Variants in CSMD3 observed in about 807,000 individuals in gnomAD.
The protein encoded by CSMD3 is CUB and Sushi multiple domains 3, also known as CUB and sushi domain-containing protein 3.
In CSMD3, 177 loss-of-function variants were observed where a neutral mutation model predicts 435.2. That is an observed-to-expected ratio of 0.41 (90% CI 0.36 to 0.46). The LOEUF is 0.46. Among genes scored for constraint, CSMD3 ranks in the 20% least tolerant of loss-of-function variants. CSMD3 has a pLI of 0.34. For missense variants in CSMD3, 4,265 were observed against 4,504.6 expected, an observed-to-expected ratio of 0.95 and a Z score of 1.52; for synonymous variants, 1,656 against 1,520.5, an observed-to-expected ratio of 1.09 and a Z score of -2.07.
chr8:112,257,230 T>C (rs1815895619), intron 61 of CSMD3, among the ~76,000 whole-genome samples: 1 of 152,132 alleles, frequency 6.6e-6, no homozygotes, highest in South Asian at 2.1e-4. Flanking sequence ...ACCACTCCCA[T>C]TCAACCAAAT....
chr8:112,635,478 A>C (rs1410767421), intron 22 of CSMD3, among the ~76,000 whole-genome samples: 1 of 152,054 alleles, frequency 6.6e-6, no homozygotes, highest in Non-Finnish European at 1.5e-5. Flanking sequence ...CAAATGTGGC[A>C]GTAAGCAGTA....
rs57393967 is a variant in CSMD3, at chr8:113,016,461, T to C, written c.1030+2606A>G. On this transcript the variant is annotated intron_variant, in intron 6 of 70. Transcript: ENST00000297405. ...GGAACACACTATAAAAAATAGCTAA[T>C]GGCATTCAATGAACCCACTAGTAGT... Among the ~76,000 whole-genome samples, 95 of 151,924 alleles carry C rather than the reference T, an allele frequency of 6.3e-4. 1 individual carries two copies. The highest frequency in any genetic ancestry group is 2.2e-3 in the African/African-American group (92 of 41,528).
rs556328314 is a variant in CSMD3, at chr8:112,456,171, T to C, written c.5395+16420A>G. ...AATATTATAGAAGAAAAATGAGCAG[T>C]AGAGAACTGAAAGAAAATATCTAAT... On this transcript the variant is annotated intron_variant, in intron 32 of 70. Coordinates refer to ENST00000297405, the MANE Select transcript of CSMD3 (RefSeq NM_198123.2). 2.0e-5 allele frequency among the ~76,000 whole-genome samples: 3 copies of C among 152,218 alleles called. No individual in the cohort carries two copies. The East Asian group carries it at 5.8e-4, about 29-fold the overall frequency.
Position 112,645,116 on chromosome 8 carries a change from A to T in CSMD3, c.3303T>A (p.His1101Gln). 6.6e-7 allele frequency: 1 copy of T among 1,509,200 alleles called. No homozygotes were observed. The highest frequency in any genetic ancestry group is 2.3e-5 in the East Asian group (1 of 44,356). 93.5% of individuals were successfully genotyped at this position (1,509,200 alleles called of 1,614,324 possible). ...TTTCATGAGGCAAATTACCTTTTCC[A>T]TGGGTTACATCAACAGTCCATGTAC... is the stretch of plus-strand genomic sequence containing the variant. Reference protein sequence around the residue: ...LNCTWTVDVTHGKGVQFNFHT... With the variant: ...LNCTWTVDVTQGKGVQFNFHT... The change falls in exon 20 of 71, where the codon CAT (histidine) becomes CAA (glutamine). Residue 1101 changes from histidine to glutamine, a missense_variant. This residue lies in a region of CSMD3 where 3,255 missense variants were observed against 3,380.2 expected (regional missense o/e 0.96). Transcript: ENST00000297405.
chr8:113,131,948 C>A (rs1322404044), intron 4 of CSMD3, among the ~76,000 whole-genome samples: 1 of 152,172 alleles, frequency 6.6e-6, no homozygotes, highest in Non-Finnish European at 1.5e-5. Context: ...TCCCACCTTG[C>A]CTCAGCATGC....
intron 3 of CSMD3, among the ~76,000 whole-genome samples, chr8:113,248,787 T>C (rs775049013): frequency 4.0e-5 from 6 of 151,856 alleles, no homozygotes; most frequent in Non-Finnish European, 8.8e-5. Flanking sequence ...GGAAACAAAT[T>C]GTTAAGCATA....
intron 12 of CSMD3, among the ~76,000 whole-genome samples, chr8:112,807,581 G>GTT (rs1418933466): frequency 6.6e-6 from 1 of 151,898 alleles, no homozygotes; most frequent in Non-Finnish European, 1.5e-5. Context: ...GAGCAAATTT[G>GTT]GAGAAATAGA....
chr8:113,056,506 A>G (rs1432427539), intron 5 of CSMD3, among the ~76,000 whole-genome samples: 2 of 152,154 alleles, frequency 1.3e-5, no homozygotes, highest in Admixed American at 6.5e-5. Context: ...TCCAAACTGG[A>G]ACTTTTGATG....
At chr8:112,400,201 C>A (rs1353279107) in intron 35 of CSMD3, among the ~76,000 whole-genome samples, 2 of 152,144 alleles carry the variant, frequency 1.3e-5, no homozygotes, top group Non-Finnish European at 2.9e-5. Context: ...TCAAAGTTTT[C>A]TAAAGCATTG....
chr8:112,885,683 T>C (rs1320144886), intron 10 of CSMD3, among the ~76,000 whole-genome samples: 1 of 151,768 alleles, frequency 6.6e-6, no homozygotes, highest in East Asian at 2.0e-4. Flanking sequence ...TGCTTGTTTG[T>C]TTGTTTACTG....
chr8:112,651,851 T>C (rs2075135162), intron 18 of CSMD3, among the ~76,000 whole-genome samples: 1 of 152,094 alleles, frequency 6.6e-6, no homozygotes, highest in South Asian at 2.1e-4. Context: ...CCAGTGCTTT[T>C]AAACTCTCAT....
At chr8:112,788,222 G>C (rs541713990) in intron 13 of CSMD3, among the ~76,000 whole-genome samples, 19 of 152,264 alleles carry the variant, frequency 1.2e-4, no homozygotes, top group African/African-American at 4.3e-4. Flanking sequence ...CATGAAAAGG[G>C]AGGAGTGTTC....
chr8:113,057,970 T>C (rs2088425687), intron 5 of CSMD3, among the ~76,000 whole-genome samples: 1 of 151,866 alleles, frequency 6.6e-6, no homozygotes, highest in African/African-American at 2.4e-5. Context: ...TTTTGTTTAA[T>C]CTATTATAGA....
intron 23 of CSMD3, among the ~76,000 whole-genome samples, chr8:112,586,521 G>A (rs1051012537): frequency 2.0e-5 from 3 of 151,272 alleles, no homozygotes; most frequent in African/African-American, 7.3e-5. Flanking sequence ...TACACCGATA[G>A]TCATTATCAA....
chr8:112,283,782 T>C (rs1373562223), intron 58 of CSMD3, among the ~76,000 whole-genome samples: 1 of 151,800 alleles, frequency 6.6e-6, no homozygotes, highest in African/African-American at 2.4e-5. Flanking sequence ...ACTCTGTACA[T>C]TAGTTCTATG....
intron 13 of CSMD3, among the ~76,000 whole-genome samples, chr8:112,760,810 A>G (rs2077819582): frequency 6.6e-6 from 1 of 152,088 alleles, no homozygotes; most frequent in African/African-American, 2.4e-5. Context: ...TAGGGGAGGG[A>G]TAGCCCAGCA....
At chr8:113,390,628 A>T (rs2094457573) in intron 1 of CSMD3, among the ~76,000 whole-genome samples, 1 of 151,902 alleles carries the variant, frequency 6.6e-6, no homozygotes, top group African/African-American at 2.4e-5. Context: ...TAAAATCAAT[A>T]GATTAACAAG....
At chr8:112,312,279 A>C (rs1420988728) in intron 49 of CSMD3, among the ~76,000 whole-genome samples, 1 of 152,170 alleles carries the variant, frequency 6.6e-6, no homozygotes, top group South Asian at 2.1e-4. Flanking sequence ...TTTGAGAAGA[A>C]GTTTCGCTCT....
intron 4 of CSMD3, among the ~76,000 whole-genome samples, chr8:113,099,315 G>A (rs2090263158): frequency 6.6e-6 from 1 of 152,018 alleles, no homozygotes; most frequent in South Asian, 2.1e-4. Flanking sequence ...GTATCTTAAA[G>A]TCTGTGATGG....
Sources: gnomAD v4.1 joint callset for allele counts (sites outside exome capture counted in the v4.1 genomes callset) on GRCh38, gnomAD v4.1.1 for gene constraint, gnomAD v4.1.1 regional missense constraint, MANE v1.5 for transcripts, NCBI Gene and HGNC (gene_info 2026-07-23, HGNC 2026-07-21) for gene names.